The following ZNF778 variants were observed in gnomAD, a reference collection of about 807,000 sequenced individuals.
ZNF778 encodes zinc finger protein 778.
In ZNF778, 37 loss-of-function variants were observed where a neutral mutation model predicts 23.9. That is an observed-to-expected ratio of 1.54 (90% CI 1.19 to 2.03). The LOEUF (loss-of-function observed/expected upper bound fraction) is 2.03. Among genes scored for constraint, ZNF778 ranks in the 30% most tolerant of loss-of-function variants. ZNF778 has a pLI of 0.00. For synonymous variants in ZNF778, 483 were observed against 343.9 expected (o/e 1.40, Z -4.48); for missense variants, 1,297 against 934.4 (o/e 1.39, Z -5.06).
Position 89,221,167 on chromosome 16 carries a change from G to C in ZNF778, c.25+15G>C. On this transcript the variant is annotated intron_variant, in intron 2 of 6. Coordinates refer to ENST00000433976, the MANE Select transcript of ZNF778 (RefSeq NM_001201407.2). ...CCTGGCCCACGGTAAGTCCTGGTGG[G>C]GCTCCTTCTCAGAGCCTCTGCTCTA... 6.4e-7 allele frequency: 1 copy of C among 1,556,336 alleles called. No homozygotes were observed. Among genetic ancestry groups the C allele is most frequent in the Non-Finnish European group, 8.7e-7 (1 of 1,150,630 alleles).
At position 89,225,595 on chromosome 16, in the gene ZNF778, T is replaced by G. The variant is rs1271595795; in HGVS notation, c.369T>G (p.Asp123Glu). Residue 123 changes from aspartate (D) to glutamate (E), a missense_variant, in exon 6 of 7, where the codon GAT (aspartate) becomes GAG (glutamate). Physicochemically the swap from Asp to Glu is conservative, Grantham distance 45. Transcript: ENST00000433976. ...CCAAAGGGCCAGCACTTCGGCAGGATAGATCTTGGTTCAGAGCATCAAATG... is the reference window on the plus strand; with the variant it reads ...CCAAAGGGCCAGCACTTCGGCAGGAGAGATCTTGGTTCAGAGCATCAAATG... ...LKTKGPALRQ[D>E]RSWFRASNET... 1.2e-6 allele frequency: 2 copies of G among 1,613,034 alleles called. No individual in the cohort carries two copies. Among genetic ancestry groups the G allele is most frequent in the East Asian group, 4.5e-5 (2 of 44,852 alleles).
At chr16:89,223,413 G>C in intron 4 of ZNF778, 130 bp downstream of exon 4, 2 of 1,309,464 alleles carry the variant, frequency 1.5e-6, no homozygotes, top group Non-Finnish European at 2.1e-6. Flanking sequence ...GTGCTAGTAG[G>C]CTTGGTGCTA....
In ZNF778 at chr16:89,228,925, T is replaced by A. The variant is rs1322292043; in HGVS notation, c.*363T>A. 9.9e-7 allele frequency: 1 copy of A among 1,008,202 alleles called. No homozygotes were observed. Among genetic ancestry groups the A allele is most frequent in the Non-Finnish European group, 1.2e-6 (1 of 844,770 alleles). 62.5% of individuals were successfully genotyped at this position (1,008,202 alleles called of 1,614,324 possible). The stretch of plus-strand genomic sequence containing the variant: ...GAAGTCATTTTTTACATTACATCTT[T>A]CCTCACCCTTTAGTAAACGTGGTGA... On this transcript the variant is annotated 3_prime_UTR_variant, in exon 7 of 7. Coordinates refer to ENST00000433976, the MANE Select transcript of ZNF778 (RefSeq NM_001201407.2).
At position 89,225,636 on chromosome 16, in the gene ZNF778, G is replaced by C. The variant is rs1341224234; in HGVS notation, c.405+5G>C. ...GCATCAAATGAGACACAGACGGTAA[G>C]ATTAACAAGAGAGATTTTTTTATTT... On this transcript the variant is annotated splice_donor_5th_base_variant and intron_variant, in intron 6 of 6. Coordinates refer to ENST00000433976, the MANE Select transcript of ZNF778 (RefSeq NM_001201407.2). 1 of 1,609,814 alleles carries C rather than the reference G, an allele frequency of 6.2e-7. No individual in the cohort carries two copies. The highest frequency in any genetic ancestry group is 1.3e-5 in the African/African-American group (1 of 74,820).
chr16:89,227,383 T>C lies in ZNF778; in HGVS notation c.1095T>C (p.Tyr365=), dbSNP rs1567505468. The C allele has an allele frequency of 2.5e-6, 4 of 1,613,956 alleles. No homozygotes were observed. The highest frequency in any genetic ancestry group is 3.4e-6 in the Non-Finnish European group (4 of 1,179,870). The change falls in exon 7 of 7, where the codon TAT becomes TAC. Residue 365 remains tyrosine (Y), a synonymous_variant. Transcript: ENST00000433976. ...HVQTDPGQKP[Y]ECKDCGKACG... ...AAACAGACCCTGGACAGAAGCCCTA[T>C]GAATGTAAGGACTGTGGGAAAGCCT...
At chr16:89,219,807 C>T (rs1374825049) in intron 1 of ZNF778, among the ~76,000 whole-genome samples, 2 of 152,004 alleles carry the variant, frequency 1.3e-5, no homozygotes, top group African/African-American at 2.4e-5. Flanking sequence ...TATACGTTGC[C>T]CCTAAAATTA....
Position 89,226,728 on chromosome 16 carries a change from G to C in ZNF778, c.440G>C (p.Arg147Pro). ...RSHNGGQLCDRTQCGEAFSEH... is the reference protein window; with the variant it reads ...RSHNGGQLCDPTQCGEAFSEH... ...CACAATGGAGGGCAGCTCTGTGACC[G>C]CACGCAGTGTGGAGAAGCTTTCAGT... is the stretch of plus-strand genomic sequence containing the variant. The change falls in exon 7 of 7, where the codon CGC becomes CCC. Residue 147 changes from arginine to proline, a missense_variant. Transcript: ENST00000433976. The C allele has an allele frequency of 1.2e-6, 2 of 1,613,414 alleles. No individual in the cohort carries two copies. The highest frequency in any genetic ancestry group is 1.7e-6 in the Non-Finnish European group (2 of 1,179,506).
In ZNF778 at chr16:89,233,381, A is replaced by C; in HGVS notation, c.*4819A>C. The C allele has an allele frequency of 2.5e-6, 2 of 785,034 alleles. No individual in the cohort carries two copies. The highest frequency in any genetic ancestry group is 3.4e-5 in the Admixed American group (1 of 29,838). The allele number at this position is 785,034 out of a possible 1,614,324, so 48.6% of individuals were successfully genotyped here. On this transcript the variant is annotated 3_prime_UTR_variant, in exon 7 of 7. Transcript: ENST00000433976. ...GTATGCAACTCGCACTGCGTATGCAACTCAACTCGCACTGCGTATGCAACT... is the reference window on the plus strand; with the variant it reads ...GTATGCAACTCGCACTGCGTATGCACCTCAACTCGCACTGCGTATGCAACT...
rs2030917058 is a variant in ZNF778, at chr16:89,221,309, C to T, written c.25+157C>T. 3.9e-5 allele frequency among the ~76,000 whole-genome samples: 6 copies of T among 152,144 alleles called. No individual in the cohort carries two copies. The South Asian group carries it at 1.2e-3, about 31-fold the overall frequency. Reference sequence around the variant, plus strand: ...AGAATGCTGACCTGTAAGTCAGCCCCAGGGTGTGTGCTTTGGGGAGGGATG... The same window carrying T: ...AGAATGCTGACCTGTAAGTCAGCCCTAGGGTGTGTGCTTTGGGGAGGGATG... On this transcript the variant is annotated intron_variant, in intron 2 of 6. Transcript: ENST00000433976.
At position 89,224,725 on chromosome 16, in the gene ZNF778, A is replaced by G. The variant is rs1240252204; in HGVS notation, c.251A>G (p.His84Arg). Residue 84 changes from histidine (H) to arginine (R), a missense_variant, in exon 5 of 7, where the codon CAC (histidine) becomes CGC (arginine). Physicochemically the swap from His to Arg is conservative, Grantham distance 29. Transcript: ENST00000433976. ...NYENLASVGH[H>R]LFQPSVIYWL... ...TCTCTTTCCCTGTGTACAGGACATC[A>G]CCTGTTCCAACCCAGTGTGATCTAT... 1.3e-6 allele frequency: 2 copies of G among 1,535,340 alleles called. No individual in the cohort carries two copies. Among genetic ancestry groups the G allele is most frequent in the South Asian group, 2.4e-5 (2 of 84,026 alleles).
chr16:89,219,111 A>C (rs1188101761), intron 1 of ZNF778, among the ~76,000 whole-genome samples: 1 of 148,758 alleles, frequency 6.7e-6, no homozygotes, highest in Non-Finnish European at 1.5e-5. Flanking sequence ...CGTCTCAAAA[A>C]AATAAAAAAA....
At chr16:89,223,462 C>T (rs2031165638) in intron 4 of ZNF778, among the ~76,000 whole-genome samples, 179 bp downstream of exon 4, 1 of 152,172 alleles carries the variant, frequency 6.6e-6, no homozygotes, top group Admixed American at 6.5e-5. Context: ...GGGTCATGAG[C>T]ATCACCGTCA....
At chr16:89,223,063 A>T in intron 3 of ZNF778, 94 bp from the exon 4 acceptor site, 2 of 1,454,940 alleles carry the variant, frequency 1.4e-6, no homozygotes, top group Non-Finnish European at 9.2e-7. Flanking sequence ...AGGAGGCCTC[A>T]CAGTCCCATA....
intron 2 of ZNF778, among the ~76,000 whole-genome samples, chr16:89,221,771 G>A (rs1398433208): frequency 1.0e-5 from 1 of 98,564 alleles, no homozygotes; most frequent in Non-Finnish European, 2.2e-5. Context: ...GAATTCCCTC[G>A]CTCTGTATGA....
Position 89,227,089 on chromosome 16 carries a change from C to T in ZNF778, c.801C>T (p.Gly267=), listed in dbSNP as rs1451121565. ...GGAAAGCTCTAACTCACTCCATGGG[C>T]TGCGCCACACCTGTTGAAATGCATG... ...PCGKALTHSM[G]CATPVEMHAV... The change falls in exon 7 of 7, where the codon GGC becomes GGT. Residue 267 remains glycine (G), a synonymous_variant. Transcript: ENST00000433976. 2 of 1,614,028 alleles carry T rather than the reference C, an allele frequency of 1.2e-6. No individual in the cohort carries two copies. Among genetic ancestry groups the T allele is most frequent in the Non-Finnish European group, 1.7e-6 (2 of 1,179,896 alleles).
Position 89,228,811 on chromosome 16 carries a change from A to G in ZNF778, c.*249A>G, listed in dbSNP as rs2031736386. The G allele has an allele frequency of 1.6e-6, 2 of 1,241,106 alleles. No individual in the cohort carries two copies. Among genetic ancestry groups the G allele is most frequent in the Admixed American group, 4.0e-5 (1 of 25,150 alleles). 76.9% of individuals were successfully genotyped at this position (1,241,106 alleles called of 1,614,324 possible). On this transcript the variant is annotated 3_prime_UTR_variant, in exon 7 of 7. Coordinates refer to ENST00000433976, the MANE Select transcript of ZNF778 (RefSeq NM_001201407.2). Reference sequence around the variant, plus strand: ...AGAACTCTATTGATGTGTGATATGCAGCAGCATTGTTGCTGTTCTGCTCAG... The same window carrying G: ...AGAACTCTATTGATGTGTGATATGCGGCAGCATTGTTGCTGTTCTGCTCAG...
Position 89,217,807 on chromosome 16 carries a change from C to CCCGCCCGCCTG in ZNF778, c.-232_-222dup, listed in dbSNP as rs1304085115. ...GGGGAAGCTGGTCCGGGAGTGGGCG[C>CCCGCCCGCCTG]CCGCCCGCCTGCCTCGCGCCTTGCG... is the stretch of plus-strand genomic sequence containing the variant. On this transcript the variant is annotated 5_prime_UTR_variant, in exon 1 of 7. Transcript: ENST00000433976. 1 of 152,244 alleles carries CCCGCCCGCCTG rather than the reference C, an allele frequency of 6.6e-6. No homozygotes were observed. The highest frequency in any genetic ancestry group is 1.5e-5 in the Non-Finnish European group (1 of 68,046). The allele number at this position is 152,244 out of a possible 1,614,324, so 9.4% of individuals were successfully genotyped here.
chr16:89,227,264 C>G lies in ZNF778; in HGVS notation c.976C>G (p.Gln326Glu), dbSNP rs1184958347. 1.2e-6 allele frequency: 2 copies of G among 1,613,790 alleles called. No individual in the cohort carries two copies. Among genetic ancestry groups the G allele is most frequent in the African/African-American group, 1.3e-5 (1 of 74,904 alleles). The change falls in exon 7 of 7, where the codon CAA (glutamine) becomes GAA (glutamate). Residue 326 changes from glutamine (Q) to glutamate (E), a missense_variant. Physicochemically the swap from Gln to Glu is conservative, Grantham distance 29. Transcript: ENST00000433976. The stretch of plus-strand genomic sequence containing the variant: ...CTCCCCTGTTTCTTCCAGCCTAACT[C>G]AACATGTAAGAATTCATGCTGCAGA... ...KASPVSSSLT[Q>E]HVRIHAAEKP...
intron 5 of ZNF778, 28 bp from the exon 6 acceptor site, chr16:89,225,526 GT>G: frequency 6.6e-7 from 1 of 1,504,290 alleles, no homozygotes; most frequent in African/African-American, 1.5e-5. Flanking sequence ...GAGTTTGATC[GT>G]TTTTAGGTCA....
Sources: gnomAD v4.1 joint callset for allele counts (sites outside exome capture counted in the v4.1 genomes callset) on GRCh38, gnomAD v4.1.1 for gene constraint, MANE v1.5 for transcripts, NCBI Gene and HGNC (gene_info 2026-07-23, HGNC 2026-07-21) for gene names.